VTI1A: variants seen among roughly 807,000 people sequenced by gnomAD.
VTI1A encodes the protein vesicle transport through interaction with t-SNAREs 1A.
A neutral mutation model predicts 34.9 loss-of-function variants in VTI1A; 22 were observed. The ratio of observed to expected loss-of-function variants is 0.63; its 90% CI spans 0.45 to 0.90. The LOEUF (loss-of-function observed/expected upper bound fraction) is 0.90, where lower values mean the gene tolerates loss of function less well. Ranked by LOEUF, VTI1A falls within the 40% of genes least tolerant of loss-of-function variation. The probability of loss-of-function intolerance (pLI) is 0.00; values close to 1 mark genes in which losing one functional copy is unlikely to be tolerated. For missense variants in VTI1A, 268 were observed against 275.6 expected (o/e 0.97, Z 0.20); for synonymous variants, 87 against 97.3 (o/e 0.89, Z 0.62).
At chr10:112,828,365 CATT>C in the VTI1A span, among the ~76,000 whole-genome samples, 4 of 151,816 alleles carry the variant, frequency 2.6e-5, no homozygotes, top group Non-Finnish European at 5.9e-5. Flanking sequence ...TTTATTTCTC[CATT>C]ATTTAAAAAA....
chr10:112,703,609 ATAAT>A (rs1260790136), intron 7 of VTI1A, among the ~76,000 whole-genome samples: 2 of 152,214 alleles, frequency 1.3e-5, no homozygotes, highest in Non-Finnish European at 2.9e-5. Context: ...TGCATTATAT[ATAAT>A]TAATCTACAG....
chr10:112,732,829 AT>A (rs1380949951), intron 7 of VTI1A, among the ~76,000 whole-genome samples: 9 of 152,264 alleles, frequency 5.9e-5, no homozygotes, highest in African/African-American at 1.9e-4. Flanking sequence ...TTCTCTCTGG[AT>A]GTACTTTGCT....
chr10:112,657,723 C>T (rs1396007646), intron 5 of VTI1A, among the ~76,000 whole-genome samples: 1 of 151,716 alleles, frequency 6.6e-6, no homozygotes, highest in Non-Finnish European at 1.5e-5. Context: ...GGTATGACAC[C>T]AAAGCACAAA....
chr10:112,554,021 T>G (rs1462231843), intron 5 of VTI1A, among the ~76,000 whole-genome samples: 1 of 152,208 alleles, frequency 6.6e-6, no homozygotes, highest in Non-Finnish European at 1.5e-5. Flanking sequence ...GGTTGTGATC[T>G]TCTAGTTTTT....
chr10:112,687,219 C>CTT lies in VTI1A; in HGVS notation c.560+18252_560+18253dup, dbSNP rs71303594. Among the ~76,000 whole-genome samples the CTT allele has an allele frequency of 1.0e-2, 844 of 84,612 alleles. 50 individuals are homozygous for CTT. The highest frequency in any genetic ancestry group is 0.016 in the Middle Eastern group (2 of 128). 55.5% of individuals were successfully genotyped at this position (84,612 alleles called of 152,430 possible). Reference sequence around the variant, plus strand: ...CAAAACAGGCCTAGGCATACTACAACTTTTTTTTTTTTTTTTTTTTTTTTT... The same window carrying CTT: ...CAAAACAGGCCTAGGCATACTACAACTTTTTTTTTTTTTTTTTTTTTTTTTTT... On this transcript the variant is annotated intron_variant, in intron 7 of 7. Transcript: ENST00000393077.
intron 5 of VTI1A, among the ~76,000 whole-genome samples, chr10:112,572,867 T>C (rs1026032589): frequency 4.6e-5 from 7 of 151,564 alleles, no homozygotes; most frequent in Admixed American, 4.6e-4. Context: ...AAAGAAATGT[T>C]CTCTCTTCTT....
intron 5 of VTI1A, among the ~76,000 whole-genome samples, chr10:112,551,802 G>A (rs1452127078): frequency 6.6e-6 from 1 of 152,168 alleles, no homozygotes; most frequent in Non-Finnish European, 1.5e-5. Context: ...GGAGAAGTAA[G>A]TAAACTGTGA....
intron 5 of VTI1A, among the ~76,000 whole-genome samples, chr10:112,652,117 A>G (rs181470005): frequency 9.5e-4 from 145 of 152,360 alleles, no homozygotes; most frequent in African/African-American, 3.3e-3. Context: ...TTTGAATCAA[A>G]GACAATGTAA....
At chr10:112,475,075 T>A (rs1361778765) in intron 3 of VTI1A, among the ~76,000 whole-genome samples, 1 of 152,220 alleles carries the variant, frequency 6.6e-6, no homozygotes, top group Non-Finnish European at 1.5e-5. Context: ...CTTCTCATCA[T>A]GTACACTTGA....
chr10:112,686,132 G>A (rs539249796), intron 7 of VTI1A, among the ~76,000 whole-genome samples: 2 of 152,278 alleles, frequency 1.3e-5, no homozygotes, highest in East Asian at 3.9e-4. Context: ...AATACCTCCT[G>A]AGTTACGATA....
intron 7 of VTI1A, among the ~76,000 whole-genome samples, chr10:112,787,141 A>G (rs531264850): frequency 6.6e-6 from 1 of 152,238 alleles, no homozygotes; most frequent in East Asian, 1.9e-4. Context: ...TAATGTGTAT[A>G]TTTCTATGCA....
At chr10:112,637,145 C>A (rs1186869681) in intron 5 of VTI1A, among the ~76,000 whole-genome samples, 4 of 151,950 alleles carry the variant, frequency 2.6e-5, no homozygotes, top group African/African-American at 9.7e-5. Flanking sequence ...GTTTTGTTTT[C>A]TTTTTTTAAA....
chr10:112,676,705 T>G (rs1848043859), intron 7 of VTI1A, among the ~76,000 whole-genome samples: 1 of 152,222 alleles, frequency 6.6e-6, no homozygotes, highest in South Asian at 2.1e-4. Context: ...TACTTCTACC[T>G]GGAATGTTCT....
intron 7 of VTI1A, among the ~76,000 whole-genome samples, chr10:112,761,647 T>C (rs1851467451): frequency 6.6e-6 from 1 of 152,184 alleles, no homozygotes; most frequent in African/African-American, 2.4e-5. Context: ...TTTAATCCTA[T>C]AAGCTAGAAA....
intron 2 of VTI1A, among the ~76,000 whole-genome samples, chr10:112,462,087 T>C (rs550589834): frequency 4.6e-4 from 70 of 152,354 alleles, no homozygotes; most frequent in Non-Finnish European, 1.3e-4. Flanking sequence ...TGACCGCAGG[T>C]GATCCACCCA....
At chr10:112,533,030 A>C (rs1453602479) in intron 4 of VTI1A, among the ~76,000 whole-genome samples, 3 of 152,124 alleles carry the variant, frequency 2.0e-5, no homozygotes, top group Non-Finnish European at 4.4e-5. Flanking sequence ...ATTAACTAAC[A>C]TAATAGTTTG....
intron 5 of VTI1A, among the ~76,000 whole-genome samples, chr10:112,636,105 G>A (rs780074204): frequency 1.3e-5 from 2 of 152,218 alleles, no homozygotes; most frequent in African/African-American, 2.4e-5. Flanking sequence ...AGAGAGATCC[G>A]AGGGTTGGGC....
At chr10:112,633,431 A>G (rs1173762443) in intron 5 of VTI1A, among the ~76,000 whole-genome samples, 2 of 152,168 alleles carry the variant, frequency 1.3e-5, no homozygotes, top group African/African-American at 2.4e-5. Context: ...TCCTTCAAGT[A>G]TAATGGAAAA....
intron 3 of VTI1A, among the ~76,000 whole-genome samples, chr10:112,495,431 T>C (rs1848982009): frequency 6.6e-6 from 1 of 152,120 alleles, no homozygotes; most frequent in South Asian, 2.1e-4. Flanking sequence ...AGTCCCAAGT[T>C]TCTATCTTGA....
Sources: allele counts gnomAD v4.1 joint callset (sites outside exome capture counted in the v4.1 genomes callset), GRCh38; gene constraint gnomAD v4.1.1; transcripts MANE v1.5; gene names NCBI Gene and HGNC (gene_info 2026-07-23, HGNC 2026-07-21).